KDM4C: variants seen among roughly 807,000 people sequenced by gnomAD.
KDM4C encodes lysine-specific demethylase 4C.
Under a neutral mutation model 129.3 loss-of-function variants are expected in KDM4C, and 81 were observed. The ratio of observed to expected loss-of-function variants is 0.63; its 90% CI spans 0.52 to 0.75. KDM4C has a LOEUF of 0.75. KDM4C is among the 30% of genes least tolerant of loss of function. The pLI, the probability that KDM4C is intolerant of heterozygous loss-of-function variation, is 0.00. For missense variants in KDM4C, 1,457 were observed against 1,304.0 expected (o/e 1.12, Z -1.81); for synonymous variants, 573 against 456.1 (o/e 1.26, Z -3.26).
At chr9:6,742,681 ATTT>A (rs34282709) in intron 1 of KDM4C, among the ~76,000 whole-genome samples, 1 of 145,236 alleles carries the variant, frequency 6.9e-6, no homozygotes, top group Non-Finnish European at 1.5e-5. Context: ...GGGGTGGGGA[ATTT>A]TTTTTTTTTT....
chr9:6,723,261 G>T (rs1035816037), intron 1 of KDM4C, among the ~76,000 whole-genome samples: 6 of 152,216 alleles, frequency 3.9e-5, no homozygotes, highest in African/African-American at 1.2e-4. Context: ...TGTAATCCCA[G>T]CTACTCGGGA....
At chr9:6,786,738 T>G (rs912749588) in intron 1 of KDM4C, among the ~76,000 whole-genome samples, 12 of 152,120 alleles carry the variant, frequency 7.9e-5, no homozygotes, top group Non-Finnish European at 1.5e-4. Context: ...AAATATAGAT[T>G]AGGAAGAACT....
At chr9:6,824,607 C>T (rs554879816) in intron 4 of KDM4C, among the ~76,000 whole-genome samples, 41 of 146,676 alleles carry the variant, frequency 2.8e-4, no homozygotes, top group African/African-American at 6.9e-4. Context: ...AAATTAAGGC[C>T]GGGCGTGGTG....
At chr9:6,898,977 A>T (rs1563779484) in intron 8 of KDM4C, among the ~76,000 whole-genome samples, 2 of 152,058 alleles carry the variant, frequency 1.3e-5, no homozygotes, top group Non-Finnish European at 2.9e-5. Flanking sequence ...TCATTTTAAC[A>T]GTTCTTGGCA....
intron 4 of KDM4C, among the ~76,000 whole-genome samples, chr9:6,824,496 A>G (rs917893636): frequency 6.6e-6 from 1 of 152,162 alleles, no homozygotes; most frequent in African/African-American, 2.4e-5. Context: ...AGTAGTTCTC[A>G]AACTTTCATC....
At chr9:7,062,177 C>T (rs1463296026) in intron 17 of KDM4C, among the ~76,000 whole-genome samples, 1 of 152,166 alleles carries the variant, frequency 6.6e-6, no homozygotes, top group African/African-American at 2.4e-5. Flanking sequence ...ACCGTGTTAG[C>T]CAGGATGGTC....
At chr9:6,731,696 A>T (rs1254172830) in intron 1 of KDM4C, among the ~76,000 whole-genome samples, 1 of 152,060 alleles carries the variant, frequency 6.6e-6, no homozygotes. Flanking sequence ...GTTCAAAACA[A>T]TGGCCTTCCA....
intron 17 of KDM4C, among the ~76,000 whole-genome samples, chr9:7,088,174 C>G (rs2043628925): frequency 6.6e-6 from 1 of 152,174 alleles, no homozygotes; most frequent in Admixed American, 6.5e-5. Context: ...GCTTCTTCCT[C>G]CAGGCCTGGA....
chr9:6,812,353 A>C (rs1831314570), intron 3 of KDM4C, among the ~76,000 whole-genome samples: 1 of 152,216 alleles, frequency 6.6e-6, no homozygotes, highest in East Asian at 1.9e-4. Context: ...TAGAAGTCCT[A>C]ATAAACAGCA....
chr9:6,729,977 G>C (rs1345574961), intron 1 of KDM4C, among the ~76,000 whole-genome samples: 3 of 133,820 alleles, frequency 2.2e-5, no homozygotes, highest in Admixed American at 8.0e-5. Flanking sequence ...GGATGCGGTG[G>C]TGCACGCCTG....
chr9:6,864,352 T>C (rs545520717), intron 5 of KDM4C, among the ~76,000 whole-genome samples: 5 of 152,246 alleles, frequency 3.3e-5, no homozygotes, highest in African/African-American at 7.2e-5. Flanking sequence ...TATGATTTCA[T>C]TGAGAGATCT....
rs1268233884 is a variant in KDM4C, at chr9:6,758,494, C to T, written c.-18+291C>T. Reference sequence around the variant, plus strand: ...CCGGGATCCGGAGTCGGGGTCGCCTCCTTGGGGCAGAGGAGCGCTCGGGCG... The same window carrying T: ...CCGGGATCCGGAGTCGGGGTCGCCTTCTTGGGGCAGAGGAGCGCTCGGGCG... On this transcript the variant is annotated intron_variant, in intron 1 of 21. Coordinates refer to ENST00000381309, the MANE Select transcript of KDM4C (RefSeq NM_015061.6). The surrounding 1 kb of genome is among the most constrained non-coding windows in gnomAD (Gnocchi z 4.6). 1.3e-5 allele frequency among the ~76,000 whole-genome samples: 2 copies of T among 152,194 alleles called. No homozygotes were observed. Among genetic ancestry groups the T allele is most frequent in the Admixed American group, 6.5e-5 (1 of 15,284 alleles).
Position 7,011,766 on chromosome 9 carries a change from C to T in KDM4C, c.1855C>T (p.His619Tyr). The T allele has an allele frequency of 1.2e-6, 2 of 1,614,132 alleles. No homozygotes were observed. Among genetic ancestry groups the T allele is most frequent in the Admixed American group, 3.3e-5 (2 of 60,024 alleles). ...AGAGTCTTGGGCGAAACCTCTCATCCACCTTTGGCAGACGAAGTCCCCTAA... is the reference window on the plus strand; with the variant it reads ...AGAGTCTTGGGCGAAACCTCTCATCTACCTTTGGCAGACGAAGTCCCCTAA... ...ETESWAKPLI[H>Y]LWQTKSPNFA... is the part of the protein sequence containing the mutation. Residue 619 changes from histidine to tyrosine, a missense_variant, in exon 13 of 22, where the codon CAC (histidine) becomes TAC (tyrosine). Coordinates refer to ENST00000381309, the MANE Select transcript of KDM4C (RefSeq NM_015061.6).
chr9:7,173,426 G>A (rs571148350), intron 21 of KDM4C, among the ~76,000 whole-genome samples: 2 of 152,194 alleles, frequency 1.3e-5, no homozygotes, highest in Non-Finnish European at 2.9e-5. Context: ...ATGTCATCTT[G>A]AAGGCAGTAG....
chr9:7,068,576 G>A (rs1832750665), intron 17 of KDM4C, among the ~76,000 whole-genome samples: 1 of 151,276 alleles, frequency 6.6e-6, no homozygotes, highest in South Asian at 2.1e-4. Context: ...CTTTGTCCCT[G>A]ATTTTCCTGA....
At chr9:6,993,600 A>G (rs1563949361) in intron 12 of KDM4C, among the ~76,000 whole-genome samples, 1 of 152,158 alleles carries the variant, frequency 6.6e-6, no homozygotes, top group Non-Finnish European at 1.5e-5. Context: ...CACTGTCCAT[A>G]GAGAAGGAGG....
chr9:6,993,855 A>C (rs1256819842), intron 12 of KDM4C, among the ~76,000 whole-genome samples: 1 of 152,166 alleles, frequency 6.6e-6, no homozygotes, highest in Non-Finnish European at 1.5e-5. Flanking sequence ...TTAAATGCTC[A>C]ATTTCTTTGT....
chr9:6,863,887 C>T (rs371382820), intron 5 of KDM4C, among the ~76,000 whole-genome samples: 8 of 151,978 alleles, frequency 5.3e-5, no homozygotes, highest in South Asian at 4.2e-4. Flanking sequence ...GAGAACTCAC[C>T]CATTACCGTG....
chr9:6,986,207 G>T, intron 10 of KDM4C, 137 bp from the exon 11 acceptor site: 1 of 617,692 alleles, frequency 1.6e-6, no homozygotes, highest in Non-Finnish European at 2.8e-6. Context: ...GGTTTGTTTT[G>T]TGTGTGTGCA....
Sources: allele counts gnomAD v4.1 joint callset (sites outside exome capture counted in the v4.1 genomes callset), GRCh38; gene constraint gnomAD v4.1.1; non-coding constraint Gnocchi (gnomAD v3.1); transcripts MANE v1.5; gene names NCBI Gene and HGNC (gene_info 2026-07-23, HGNC 2026-07-21).